ROBO1: variants seen among roughly 807,000 people sequenced by gnomAD.
ROBO1 encodes the protein roundabout homolog 1.
ROBO1 carries 149 observed loss-of-function variants against 195.9 expected under a neutral mutation model. That is an observed-to-expected ratio of 0.76 (90% CI 0.67 to 0.87). ROBO1 has a LOEUF of 0.87. Ranked by LOEUF, ROBO1 falls within the 40% of genes least tolerant of loss-of-function variation. ROBO1 has a pLI of 0.00. For missense variants in ROBO1, 1,933 were observed against 2,068.3 expected (o/e 0.93, Z 1.27); for synonymous variants, 816 against 733.2 (o/e 1.11, Z -1.82).
At chr3:79,490,263 C>T (rs1225537284) in intron 2 of ROBO1, among the ~76,000 whole-genome samples, 1 of 152,170 alleles carries the variant, frequency 6.6e-6, no homozygotes, top group East Asian at 1.9e-4. Flanking sequence ...CTGTCCTTGC[C>T]TTATACTCTG....
chr3:79,508,742 T>TA (rs776068624), intron 2 of ROBO1, among the ~76,000 whole-genome samples: 8 of 152,140 alleles, frequency 5.3e-5, no homozygotes, highest in Non-Finnish European at 8.8e-5. Flanking sequence ...ATGAAGCAAT[T>TA]AGAGTCTGCT....
rs867914617 is a variant in ROBO1, at chr3:79,070,099, C to T, written c.172+55357G>A. On this transcript the variant is annotated intron_variant, in intron 3 of 30. Coordinates refer to ENST00000464233, the MANE Select transcript of ROBO1 (RefSeq NM_002941.4). ...TTTAAAAGATGTATATCTGATTTAA[C>T]GAAGTCTTAACTAAACAATATCTCT... Among the ~76,000 whole-genome samples, 10 of 151,778 alleles carry T rather than the reference C, an allele frequency of 6.6e-5. No individual in the cohort carries two copies. The South Asian group carries it at 1.7e-3, about 25-fold the overall frequency.
At chr3:79,396,276 T>A (rs1047356260) in intron 2 of ROBO1, among the ~76,000 whole-genome samples, 2 of 152,064 alleles carry the variant, frequency 1.3e-5, no homozygotes, top group Non-Finnish European at 2.9e-5. Flanking sequence ...AGGTTTTTGA[T>A]AGTAAGTGAA....
Position 79,767,998 on chromosome 3 carries a change from C to A in ROBO1, c.-297G>T, listed in dbSNP as rs1488083088. Reference sequence around the variant, plus strand: ...CCCGTTATCTGTATTACTATTAATGCGCAGAGCAGAAGGCATTGCATACAA... The same window carrying A: ...CCCGTTATCTGTATTACTATTAATGAGCAGAGCAGAAGGCATTGCATACAA... On this transcript the variant is annotated 5_prime_UTR_variant, in exon 1 of 31. Transcript: ENST00000464233. 1.3e-5 allele frequency among the ~76,000 whole-genome samples: 2 copies of A among 152,114 alleles called. No individual in the cohort carries two copies. Among genetic ancestry groups the A allele is most frequent in the African/African-American group, 2.4e-5 (1 of 41,416 alleles).
In ROBO1 at chr3:79,311,952, C is replaced by T. The variant is rs766131494; in HGVS notation, c.89-186413G>A. On this transcript the variant is annotated intron_variant, in intron 2 of 30. Coordinates refer to ENST00000464233, the MANE Select transcript of ROBO1 (RefSeq NM_002941.4). ...ATATCCATCCCAGACCTTTTACCTT[C>T]ACTCCAGATCCATGTATCCAATTCT... is the stretch of plus-strand genomic sequence containing the variant. Among the ~76,000 whole-genome samples, 9 of 152,216 alleles carry T rather than the reference C, an allele frequency of 5.9e-5. No homozygotes were observed. In the South Asian group the frequency reaches 1.2e-3, roughly 21 times the overall value.
At chr3:78,712,243 T>C (rs890163186) in intron 8 of ROBO1, among the ~76,000 whole-genome samples, 1 of 152,290 alleles carries the variant, frequency 6.6e-6, no homozygotes, top group Non-Finnish European at 1.5e-5. Flanking sequence ...AGAAAGATTA[T>C]GTTTGAGCTC....
intron 3 of ROBO1, among the ~76,000 whole-genome samples, chr3:78,964,045 C>A (rs2041544428): frequency 6.6e-6 from 1 of 151,942 alleles, no homozygotes; most frequent in Admixed American, 6.6e-5. Flanking sequence ...ATTTGCTCCA[C>A]CTCTCTCTCT....
intron 4 of ROBO1, among the ~76,000 whole-genome samples, chr3:78,804,020 T>C (rs1299940968): frequency 6.6e-6 from 1 of 152,196 alleles, no homozygotes; most frequent in African/African-American, 2.4e-5. Context: ...CCATAGAGTG[T>C]GGTGTCTTTA....
intron 5 of ROBO1, among the ~76,000 whole-genome samples, chr3:78,743,462 T>A (rs1327865131): frequency 2.0e-5 from 3 of 152,162 alleles, no homozygotes; most frequent in African/African-American, 4.8e-5. Flanking sequence ...CTGCCCTTTC[T>A]GCCTCTTCTC....
chr3:79,492,425 CAGAAAAAAAAAA>C (rs1360242314), intron 2 of ROBO1, among the ~76,000 whole-genome samples: 1 of 85,674 alleles, frequency 1.2e-5, no homozygotes, highest in Non-Finnish European at 2.1e-5. Flanking sequence ...GACTCTGTTT[CAGAAAAAAAAAA>C]AAAAAAAAAG....
chr3:79,542,946 G>A (rs1942130453), intron 2 of ROBO1, among the ~76,000 whole-genome samples: 1 of 151,924 alleles, frequency 6.6e-6, no homozygotes, highest in South Asian at 2.1e-4. Flanking sequence ...AATTTCACAA[G>A]AATATCACAT....
At chr3:79,018,795 G>A in intron 3 of ROBO1, 2 of 1,062,890 alleles carry the variant, frequency 1.9e-6, no homozygotes, top group Non-Finnish European at 1.1e-6. Context: ...CGGTCTTGCG[G>A]AGCCTCCCGG....
intron 1 of ROBO1, among the ~76,000 whole-genome samples, chr3:79,723,624 A>C (rs575120364): frequency 6.6e-6 from 1 of 152,290 alleles, no homozygotes; most frequent in African/African-American, 2.4e-5. Flanking sequence ...CACTAGTCAA[A>C]TTGGAATTCA....
intron 2 of ROBO1, among the ~76,000 whole-genome samples, chr3:79,414,199 TTC>T (rs911573952): frequency 1.3e-5 from 2 of 148,276 alleles, no homozygotes; most frequent in Non-Finnish European, 3.0e-5. Flanking sequence ...CTCTCTCTCT[TTC>T]TCTCTCTCTC....
intron 4 of ROBO1, among the ~76,000 whole-genome samples, chr3:78,844,022 C>T (rs1279837681): frequency 6.6e-6 from 1 of 152,112 alleles, no homozygotes; most frequent in Non-Finnish European, 1.5e-5. Context: ...ATTAACTCCA[C>T]TAAATCACTT....
chr3:79,205,182 T>C (rs1022760961), intron 2 of ROBO1, among the ~76,000 whole-genome samples: 2 of 151,922 alleles, frequency 1.3e-5, no homozygotes, highest in African/African-American at 4.8e-5. Context: ...TTAGTAGTGA[T>C]GGAGTTTTGT....
intron 1 of ROBO1, among the ~76,000 whole-genome samples, chr3:79,662,459 C>T (rs1337706208): frequency 6.6e-6 from 1 of 151,968 alleles, no homozygotes; most frequent in Admixed American, 6.6e-5. Flanking sequence ...GAAATCCTTG[C>T]TTTGAGCAAA....
intron 2 of ROBO1, among the ~76,000 whole-genome samples, chr3:79,443,426 C>A (rs554001578): frequency 6.6e-6 from 1 of 152,162 alleles, no homozygotes; most frequent in Non-Finnish European, 1.5e-5. Context: ...CATCTTTCAA[C>A]ATCCAAAATA....
At chr3:79,605,295 C>G (rs931066247) in intron 1 of ROBO1, among the ~76,000 whole-genome samples, 1 of 149,612 alleles carries the variant, frequency 6.7e-6, no homozygotes, top group African/African-American at 2.5e-5. Flanking sequence ...AAATATTGGT[C>G]TGTAAAGCGG....
Sources: gnomAD v4.1 joint callset for allele counts (sites outside exome capture counted in the v4.1 genomes callset) on GRCh38, gnomAD v4.1.1 for gene constraint, MANE v1.5 for transcripts, NCBI Gene and HGNC (gene_info 2026-07-23, HGNC 2026-07-21) for gene names.